Variants in MYO1E observed in about 807,000 individuals in gnomAD.
The protein encoded by MYO1E is myosin IE, also known as unconventional myosin-Ie.
In MYO1E, 68 loss-of-function variants were observed where a neutral mutation model predicts 151.1. The ratio of observed to expected loss-of-function variants is 0.45; its 90% CI spans 0.37 to 0.55. MYO1E has a LOEUF of 0.55. MYO1E is among the 20% of genes least tolerant of loss of function. The pLI, the probability that MYO1E is intolerant of heterozygous loss-of-function variation, is 0.00. For missense variants in MYO1E, 1,363 were observed against 1,389.3 expected (o/e 0.98, Z 0.30); for synonymous variants, 601 against 501.7 (o/e 1.20, Z -2.64).
rs541548780 is a variant in MYO1E at position 59,252,990 on chromosome 15, A to C, written c.332+3294T>G. ...AAGATGAGCTAGAAGATCTTAAAGA[A>C]GGAAACCAACAGAGCCTACTGCGGT... On this transcript the variant is annotated intron_variant, in intron 4 of 27. Transcript: ENST00000288235. Among the ~76,000 whole-genome samples, 9 of 152,386 alleles carry C rather than the reference A, an allele frequency of 5.9e-5. No homozygotes were observed. The South Asian group carries it at 1.2e-3, about 21-fold the overall frequency.
chr15:59,135,752 G>C lies in MYO1E; in HGVS notation c.*1628C>G, dbSNP rs537849301. On this transcript the variant is annotated 3_prime_UTR_variant, in exon 28 of 28. Coordinates refer to ENST00000288235, the MANE Select transcript of MYO1E (RefSeq NM_004998.4). The stretch of plus-strand genomic sequence containing the variant: ...TTTTTCCCATGGACTTGAGGATCCT[G>C]AAAGCCTCAAAGGTGTATGCTGCTC... The C allele has an allele frequency of 3.5e-4, 53 of 152,194 alleles. No individual in the cohort carries two copies. Among genetic ancestry groups the C allele is most frequent in the African/African-American group, 1.2e-3 (49 of 41,522 alleles). 9.4% of individuals were successfully genotyped at this position (152,194 alleles called of 1,614,324 possible). A position where few individuals can be genotyped will look rare whatever the true frequency, so the allele number is the denominator to read the frequency against.
At chr15:59,352,765 C>T (rs979559887) in intron 1 of MYO1E, among the ~76,000 whole-genome samples, 1 of 152,124 alleles carries the variant, frequency 6.6e-6, no homozygotes, top group Non-Finnish European at 1.5e-5. Context: ...GTTAAATTCA[C>T]GGAAGCATAC....
intron 5 of MYO1E, among the ~76,000 whole-genome samples, chr15:59,233,626 T>C (rs2080041987): frequency 7.7e-6 from 1 of 129,566 alleles, no homozygotes; most frequent in South Asian, 2.6e-4. Context: ...ATCGCACCAC[T>C]GCACTCCAGC....
At position 59,137,303 on chromosome 15, in the gene MYO1E, A is replaced by AGGGGAGCCCCTAAATATCCCCTCC. The variant is rs1367621794; in HGVS notation, c.*53_*76dup. The AGGGGAGCCCCTAAATATCCCCTCC allele has an allele frequency of 1.2e-4, 156 of 1,301,106 alleles. No individual in the cohort carries two copies. The African/African-American group carries it at 1.8e-3, about 15-fold the overall frequency. The allele number at this position is 1,301,106 out of a possible 1,614,324, so 80.6% of individuals were successfully genotyped here. A position where few individuals can be genotyped will look rare whatever the true frequency, so the allele number is the denominator to read the frequency against. Reference sequence around the variant, plus strand: ...AAGCAATTGCTCATTGTGGATTGTAAGGGGAGCCCCTAAATATCCCCTCCC... The same window carrying AGGGGAGCCCCTAAATATCCCCTCC: ...AAGCAATTGCTCATTGTGGATTGTAAGGGGAGCCCCTAAATATCCCCTCCGGGGAGCCCCTAAATATCCCCTCCC... On this transcript the variant is annotated 3_prime_UTR_variant, in exon 28 of 28. Transcript: ENST00000288235.
At chr15:59,230,287 ATCTT>A (rs1347681722) in intron 6 of MYO1E, among the ~76,000 whole-genome samples, 15 of 149,922 alleles carry the variant, frequency 1.0e-4, no homozygotes, top group East Asian at 1.9e-4. Context: ...GTCTCTTCCA[ATCTT>A]TCTATCAGGG....
intron 2 of MYO1E, among the ~76,000 whole-genome samples, chr15:59,266,219 C>G (rs1037050222): frequency 6.6e-6 from 1 of 152,194 alleles, no homozygotes; most frequent in South Asian, 2.1e-4. Context: ...CTCACTCCCA[C>G]TCCTGTTGCA....
intron 1 of MYO1E, among the ~76,000 whole-genome samples, chr15:59,302,905 G>A (rs2080491560): frequency 6.6e-6 from 1 of 152,192 alleles, no homozygotes; most frequent in Admixed American, 6.5e-5. Context: ...GCCCAGGGGA[G>A]AAGGACATTT....
chr15:59,364,009 C>T (rs772512879), intron 1 of MYO1E, among the ~76,000 whole-genome samples: 4 of 152,120 alleles, frequency 2.6e-5, no homozygotes, highest in Non-Finnish European at 5.9e-5. Flanking sequence ...AACTCCTGAC[C>T]TCAAGTGATC....
chr15:59,355,591 C>T (rs1484601223), intron 1 of MYO1E, among the ~76,000 whole-genome samples: 1 of 152,226 alleles, frequency 6.6e-6, no homozygotes, highest in Non-Finnish European at 1.5e-5. Flanking sequence ...CTTAGTTTCA[C>T]TAAGCATTTT....
chr15:59,280,976 C>G (rs538444442), intron 1 of MYO1E, among the ~76,000 whole-genome samples: 1 of 152,280 alleles, frequency 6.6e-6, no homozygotes, highest in East Asian at 1.9e-4. Flanking sequence ...CTGCCACCCC[C>G]TCCCCCATCC....
At chr15:59,347,855 A>G (rs757041466) in intron 1 of MYO1E, among the ~76,000 whole-genome samples, 2 of 152,212 alleles carry the variant, frequency 1.3e-5, no homozygotes, top group African/African-American at 4.8e-5. Context: ...AAAATACAAA[A>G]AAGTTCTAGA....
At position 59,163,194 on chromosome 15, in the gene MYO1E, TCTC is replaced by T. The variant is rs780625011; in HGVS notation, c.2587_2589del (p.Glu863del). 1.9e-6 allele frequency: 3 copies of T among 1,614,158 alleles called. No individual in the cohort carries two copies. Among genetic ancestry groups the T allele is most frequent in the South Asian group, 1.1e-5 (1 of 91,084 alleles). On this transcript the variant is annotated inframe_deletion, in exon 23 of 28. Transcript: ENST00000288235. ...TTCAGAGGTAGTTGCTTCTGGGTCT[TCTC>T]CTCGTAACGCTTTGCTAAGAGGCTT... is the stretch of plus-strand genomic sequence containing the variant.
At chr15:59,312,662 T>C (rs1236239801) in intron 1 of MYO1E, among the ~76,000 whole-genome samples, 1 of 151,988 alleles carries the variant, frequency 6.6e-6, no homozygotes, top group Non-Finnish European at 1.5e-5. Context: ...TCCTTGATCA[T>C]GCTAGTTCAC....
At chr15:59,194,463 A>C (rs1370123568) in intron 17 of MYO1E, among the ~76,000 whole-genome samples, 2 of 152,218 alleles carry the variant, frequency 1.3e-5, no homozygotes, top group Non-Finnish European at 2.9e-5. Context: ...GAAAATGGAC[A>C]CACCTGTCCC....
intron 23 of MYO1E, 106 bp from the exon 24 acceptor site, chr15:59,161,336 C>G (rs16941084): frequency 2.4e-6 from 3 of 1,265,860 alleles, no homozygotes; most frequent in African/African-American, 1.5e-5. Context: ...AAACATGAGG[C>G]GAGAACGGAC....
At chr15:59,185,318 A>G (rs1261206637) in intron 18 of MYO1E, among the ~76,000 whole-genome samples, 1 of 151,898 alleles carries the variant, frequency 6.6e-6, no homozygotes, top group African/African-American at 2.4e-5. Flanking sequence ...CCCAGGCTGG[A>G]GTGCAATGGC....
chr15:59,332,918 A>G (rs1248062313), intron 1 of MYO1E, among the ~76,000 whole-genome samples: 2 of 152,126 alleles, frequency 1.3e-5, no homozygotes, highest in African/African-American at 4.8e-5. Flanking sequence ...CCATGCTGTT[A>G]TTTAATCAGG....
At chr15:59,209,632 C>T (rs936073795) in intron 13 of MYO1E, among the ~76,000 whole-genome samples, 3 of 151,688 alleles carry the variant, frequency 2.0e-5, no homozygotes, top group South Asian at 2.1e-4. Context: ...GCCAAGATGG[C>T]GCCACTGCAC....
chr15:59,218,598 G>A (rs1410609656), intron 9 of MYO1E, among the ~76,000 whole-genome samples: 1 of 152,178 alleles, frequency 6.6e-6, no homozygotes, highest in Non-Finnish European at 1.5e-5. Flanking sequence ...CATGTGTAGG[G>A]TTACTAAAGA....
Sources: allele counts gnomAD v4.1 joint callset (sites outside exome capture counted in the v4.1 genomes callset), GRCh38; gene constraint gnomAD v4.1.1; transcripts MANE v1.5; gene names NCBI Gene and HGNC (gene_info 2026-07-23, HGNC 2026-07-21).